RASGRP3: variants seen among roughly 807,000 people sequenced by gnomAD.
RASGRP3 encodes ras guanyl-releasing protein 3.
A neutral mutation model predicts 82.7 loss-of-function variants in RASGRP3; 54 were observed. That is an observed-to-expected ratio of 0.65 (90% CI 0.52 to 0.82). The LOEUF is 0.82. Ranked by LOEUF, RASGRP3 falls within the 40% of genes least tolerant of loss-of-function variation. The pLI is 0.00. For missense variants in RASGRP3, 861 were observed against 828.9 expected, an observed-to-expected ratio of 1.04 and a Z score of -0.48; for synonymous variants, 309 against 300.5, an observed-to-expected ratio of 1.03 and a Z score of -0.29.
At chr2:33,520,036 A>T (rs1253958312) in intron 5 of RASGRP3, 22 bp downstream of exon 5, 1 of 1,550,474 alleles carries the variant, frequency 6.4e-7, no homozygotes, top group Non-Finnish European at 8.8e-7. Context: ...TACAAATTTA[A>T]TTTCTTGTAG....
chr2:33,449,392 T>C (rs115785119), intron 2 of RASGRP3, among the ~76,000 whole-genome samples: 1,541 of 152,308 alleles, frequency 0.01, 17 homozygotes, highest in Middle Eastern at 0.017. Flanking sequence ...GTAGATAGCA[T>C]AGAATATTGT....
chr2:33,484,612 C>T (rs948892517), intron 1 of RASGRP3, among the ~76,000 whole-genome samples: 2 of 152,108 alleles, frequency 1.3e-5, no homozygotes, highest in Non-Finnish European at 2.9e-5. Flanking sequence ...CCATTTCTCT[C>T]CCCAGTCACT....
chr2:33,489,079 C>G (rs898116132), intron 1 of RASGRP3, among the ~76,000 whole-genome samples: 16 of 152,076 alleles, frequency 1.1e-4, no homozygotes, highest in Admixed American at 5.2e-4. Context: ...TTGGTAGTCT[C>G]TACTGGGAGT....
chr2:33,542,922 A>T (rs1474669476), intron 12 of RASGRP3, among the ~76,000 whole-genome samples: 1 of 151,934 alleles, frequency 6.6e-6, no homozygotes, highest in African/African-American at 2.4e-5. Context: ...TGAATTCCTG[A>T]CCTCAGGTGA....
intron 11 of RASGRP3, among the ~76,000 whole-genome samples, chr2:33,537,283 T>C (rs1019752919): frequency 5.0e-5 from 7 of 141,296 alleles, no homozygotes; most frequent in Non-Finnish European, 9.0e-5. Flanking sequence ...CTGGGCAACA[T>C]AGTGAGACCC....
chr2:33,497,937 G>T (rs2150972573), intron 1 of RASGRP3, among the ~76,000 whole-genome samples: 1 of 151,734 alleles, frequency 6.6e-6, no homozygotes, highest in South Asian at 2.1e-4. Context: ...CTCATTTCAT[G>T]ATACAGATTT....
chr2:33,523,804 T>C (rs1672262710), intron 7 of RASGRP3, 75 bp from the exon 8 acceptor site: 1 of 1,344,604 alleles, frequency 7.4e-7, no homozygotes, highest in African/African-American at 1.5e-5. Context: ...TCTCACCTTT[T>C]CTATGCAATA....
Position 33,541,697 on chromosome 2 carries a change from C to A in RASGRP3, c.1279-1815C>A, listed in dbSNP as rs374766598. On this transcript the variant is annotated intron_variant, in intron 12 of 17. Coordinates refer to ENST00000403687, the MANE Select transcript of RASGRP3 (RefSeq NM_001139488.2). ...TTTTATTTGGTGATTGCCTGTTTGACTTTTGTGTCTTTGCTCTCATATATG... is the reference window on the plus strand; with the variant it reads ...TTTTATTTGGTGATTGCCTGTTTGAATTTTGTGTCTTTGCTCTCATATATG... 1.1e-4 allele frequency among the ~76,000 whole-genome samples: 16 copies of A among 147,384 alleles called. 1 individual carries two copies. The highest frequency in any genetic ancestry group is 3.5e-3 in the Middle Eastern group (1 of 288).
At chr2:33,501,984 A>G (rs1382092797) in intron 1 of RASGRP3, among the ~76,000 whole-genome samples, 2 of 152,202 alleles carry the variant, frequency 1.3e-5, no homozygotes, top group East Asian at 1.9e-4. Context: ...TGAATAGAGT[A>G]TGAGGGCAGG....
rs571780573 is a variant in RASGRP3 at position 33,499,250 on chromosome 2, C to G, written c.-260-12460C>G. ...CCTGGCTTTGTCCAGACACCTAATCCTCACTCTATACAGTGATTGAAACCC... is the reference window on the plus strand; with the variant it reads ...CCTGGCTTTGTCCAGACACCTAATCGTCACTCTATACAGTGATTGAAACCC... On this transcript the variant is annotated intron_variant, in intron 1 of 17. Coordinates refer to ENST00000403687, the MANE Select transcript of RASGRP3 (RefSeq NM_001139488.2). Among the ~76,000 whole-genome samples the G allele has an allele frequency of 2.6e-5, 4 of 152,230 alleles. No individual in the cohort carries two copies. The East Asian group carries it at 7.7e-4, about 29-fold the overall frequency.
intron 8 of RASGRP3, 144 bp downstream of exon 8, chr2:33,524,196 T>C: frequency 9.2e-7 from 1 of 1,090,400 alleles, no homozygotes; most frequent in Non-Finnish European, 1.3e-6. Flanking sequence ...ACAAATCGTA[T>C]TTTTGTCATG....
In RASGRP3 at chr2:33,513,283, G is replaced by A. The variant is rs138601236; in HGVS notation, c.-128+1441G>A. ...GCAAACATTTTTTCCCCAGAGTTAT[G>A]TGCCTGGTGAACAGACTCATTCCAA... On this transcript the variant is annotated intron_variant, in intron 2 of 17. Coordinates refer to ENST00000403687, the MANE Select transcript of RASGRP3 (RefSeq NM_001139488.2). Among the ~76,000 whole-genome samples the A allele has an allele frequency of 2.0e-5, 3 of 152,266 alleles. 1 individual carries two copies. Among genetic ancestry groups the A allele is most frequent in the African/African-American group, 7.2e-5 (3 of 41,566 alleles).
intron 1 of RASGRP3, among the ~76,000 whole-genome samples, chr2:33,477,841 G>A (rs1044293997): frequency 6.6e-6 from 1 of 152,170 alleles, no homozygotes; most frequent in African/African-American, 2.4e-5. Context: ...AGATCGCGTG[G>A]ATCTTGAGGA....
At chr2:33,527,023 T>G (rs1430369107) in intron 9 of RASGRP3, 114 bp from the exon 10 acceptor site, 3 of 1,095,856 alleles carry the variant, frequency 2.7e-6, no homozygotes, top group African/African-American at 1.6e-5. Flanking sequence ...GCAACATTGG[T>G]GCAAGTGATA....
Position 33,524,472 on chromosome 2 carries a change from T to C in RASGRP3, c.731T>C (p.Val244Ala), listed in dbSNP as rs575846499. 1.9e-6 allele frequency: 3 copies of C among 1,605,958 alleles called. No homozygotes were observed. Among genetic ancestry groups the C allele is most frequent in the South Asian group, 2.3e-5 (2 of 88,784 alleles). ...QLKNFNTLMA[V>A]VGGLSHSSIS... ...AAAAATTTTAACACCCTGATGGCAG[T>C]GGTGGGAGGCCTCAGTCATAGTTCC... The change falls in exon 9 of 18, where the codon GTG becomes GCG. Residue 244 changes from valine (V) to alanine (A), a missense_variant. Physicochemically the swap from Val to Ala is moderately conservative, Grantham distance 64. Coordinates refer to ENST00000403687, the MANE Select transcript of RASGRP3 (RefSeq NM_001139488.2).
chr2:33,451,734 C>T (rs1333804842), intron 2 of RASGRP3, among the ~76,000 whole-genome samples: 1 of 151,938 alleles, frequency 6.6e-6, no homozygotes, highest in Admixed American at 6.6e-5. Flanking sequence ...GCTATTTGGG[C>T]TTCATAGATC....
Position 33,439,565 on chromosome 2 carries a change from G to A in RASGRP3, c.-385+2974G>A, listed in dbSNP as rs1369987521. On this transcript the variant is annotated intron_variant, in intron 1 of 18. Coordinates refer to the RASGRP3 transcript ENST00000402538. ...TAAGTGTGCCCTACTGCATGACTGT[G>A]TATGAGACTTAGTGCATGGGACCTA... Among the ~76,000 whole-genome samples the A allele has an allele frequency of 3.3e-5, 5 of 152,206 alleles. No individual in the cohort carries two copies. The East Asian group carries it at 5.8e-4, about 18-fold the overall frequency.
intron 1 of RASGRP3, among the ~76,000 whole-genome samples, chr2:33,489,007 T>C (rs1668628293): frequency 6.6e-6 from 1 of 152,090 alleles, no homozygotes; most frequent in Non-Finnish European, 1.5e-5. Context: ...TCTATATCAG[T>C]GGTTCTCAAC....
chr2:33,495,461 C>T (rs1574337449), intron 1 of RASGRP3, among the ~76,000 whole-genome samples: 1 of 152,204 alleles, frequency 6.6e-6, no homozygotes, highest in African/African-American at 2.4e-5. Flanking sequence ...TGTTCCCTCA[C>T]CCGCATTCAC....
Sources: gnomAD v4.1 joint callset for allele counts (sites outside exome capture counted in the v4.1 genomes callset) on GRCh38, gnomAD v4.1.1 for gene constraint, MANE v1.5 for transcripts, NCBI Gene and HGNC (gene_info 2026-07-23, HGNC 2026-07-21) for gene names.